PTPRN2: variants seen among roughly 807,000 people sequenced by gnomAD.
PTPRN2 encodes the protein protein tyrosine phosphatase receptor type N2.
Under a neutral mutation model 118.8 loss-of-function variants are expected in PTPRN2, and 74 were observed. That is an observed-to-expected ratio of 0.62 (90% CI 0.52 to 0.76). The LOEUF is 0.76. Ranked by LOEUF, PTPRN2 falls within the 30% of genes least tolerant of loss-of-function variation. PTPRN2 has a pLI of 0.00. For missense variants in PTPRN2, 1,481 were observed against 1,394.4 expected (o/e 1.06, Z -0.99); for synonymous variants, 641 against 608.0 (o/e 1.05, Z -0.80).
intron 22 of PTPRN2, 108 bp downstream of exon 22, chr7:157,548,838 G>T (rs935435309): frequency 1.2e-5 from 13 of 1,112,464 alleles, no homozygotes; most frequent in South Asian, 9.0e-5. Flanking sequence ...CAGAGCAATC[G>T]GTGTGCGGCT....
chr7:157,890,621 G>T (rs576406053), intron 12 of PTPRN2, among the ~76,000 whole-genome samples: 1 of 152,298 alleles, frequency 6.6e-6, no homozygotes. Flanking sequence ...CAGCCTGGGC[G>T]ACAGAGCGAG....
At position 158,253,848 on chromosome 7, in the gene PTPRN2, G is replaced by A. The variant is rs569840624; in HGVS notation, c.278-48575C>T. Among the ~76,000 whole-genome samples, 150 of 151,910 alleles carry A rather than the reference G, an allele frequency of 9.9e-4. 4 individuals are homozygous for A. The highest frequency in any genetic ancestry group is 3.4e-3 in the African/African-American group (140 of 41,274). On this transcript the variant is annotated intron_variant, in intron 3 of 22. Transcript: ENST00000389418. ...CGAGCCGCTGGCATCCATATTTATC[G>A]AGCAGAGGAAGCATCCCTGTAACTG... is the stretch of plus-strand genomic sequence containing the variant.
intron 3 of PTPRN2, among the ~76,000 whole-genome samples, chr7:158,262,737 C>G (rs886355409): frequency 6.7e-6 from 1 of 150,208 alleles, no homozygotes; most frequent in Non-Finnish European, 1.5e-5. Context: ...CATACATTCA[C>G]ACACTGCACA....
chr7:158,412,608 T>A (rs1247628888), intron 2 of PTPRN2, among the ~76,000 whole-genome samples: 1 of 55,366 alleles, frequency 1.8e-5, no homozygotes, highest in Admixed American at 2.1e-4. Context: ...GCCCATCCAG[T>A]GCCCTCCTCA....
chr7:158,173,096 A>G (rs759846090), intron 5 of PTPRN2, among the ~76,000 whole-genome samples: 30 of 148,752 alleles, frequency 2.0e-4, no homozygotes, highest in Non-Finnish European at 4.0e-4. Flanking sequence ...CAATAATAGC[A>G]TCCCATCACC....
chr7:158,313,259 G>C (rs1802021573), intron 3 of PTPRN2, among the ~76,000 whole-genome samples: 1 of 152,142 alleles, frequency 6.6e-6, no homozygotes, highest in African/African-American at 2.4e-5. Context: ...CCTGCCACAG[G>C]GTCGTCCTCC....
At position 157,622,506 on chromosome 7, in the gene PTPRN2, G is replaced by A. The variant is rs990341153; in HGVS notation, c.2197-997C>T. ...CACTGGGGCCCGTTCCAGGAGACAG[G>A]TAGAGAAAGAGACACAGAGGGAGGG... On this transcript the variant is annotated intron_variant, in intron 14 of 22. Transcript: ENST00000389418. This position sits in a 1 kb window ranked among gnomAD's most constrained non-coding sequence, Gnocchi z 5.3. Among the ~76,000 whole-genome samples the A allele has an allele frequency of 2.0e-5, 3 of 152,140 alleles. No homozygotes were observed. Among genetic ancestry groups the A allele is most frequent in the African/African-American group, 7.2e-5 (3 of 41,444 alleles).
chr7:158,242,718 A>T (rs1795970513), intron 3 of PTPRN2, among the ~76,000 whole-genome samples: 1 of 152,160 alleles, frequency 6.6e-6, no homozygotes, highest in Non-Finnish European at 1.5e-5. Flanking sequence ...TACTCGTTAC[A>T]GTCTGTTTTT....
In PTPRN2 at chr7:158,022,889, C is replaced by T. The variant is rs767495331; in HGVS notation, c.1723+58409G>A. On this transcript the variant is annotated intron_variant, in intron 11 of 22. Coordinates refer to ENST00000389418, the MANE Select transcript of PTPRN2 (RefSeq NM_002847.5). The surrounding 1 kb of genome is among the most constrained non-coding windows in gnomAD (Gnocchi z 4.6). ...TAGAAACCTCAATGATCAAGAGTAGCGTTTCCCTCCACGGTTGCCCAATTT... is the reference window on the plus strand; with the variant it reads ...TAGAAACCTCAATGATCAAGAGTAGTGTTTCCCTCCACGGTTGCCCAATTT... Among the ~76,000 whole-genome samples the T allele has an allele frequency of 3.9e-5, 6 of 152,174 alleles. No homozygotes were observed. Among genetic ancestry groups the T allele is most frequent in the African/African-American group, 1.4e-4 (6 of 41,440 alleles).
chr7:158,275,039 A>G (rs1798867214), intron 3 of PTPRN2, among the ~76,000 whole-genome samples: 1 of 152,198 alleles, frequency 6.6e-6, no homozygotes, highest in African/African-American at 2.4e-5. Context: ...GGGTTCAAAA[A>G]GCTGCCTTCT....
intron 11 of PTPRN2, among the ~76,000 whole-genome samples, chr7:158,079,949 A>G (rs1460367344): frequency 6.6e-6 from 1 of 152,214 alleles, no homozygotes; most frequent in African/African-American, 2.4e-5. Context: ...TGGGGACTCA[A>G]GTCTCCACAA....
chr7:158,104,493 T>C (rs1191259970), intron 10 of PTPRN2, among the ~76,000 whole-genome samples: 2 of 151,608 alleles, frequency 1.3e-5, no homozygotes, highest in African/African-American at 2.4e-5. Flanking sequence ...AGATGAAGAC[T>C]ATAGGGCTCA....
At chr7:157,551,646 C>A (rs1190611687) in intron 21 of PTPRN2, among the ~76,000 whole-genome samples, 1 of 145,886 alleles carries the variant, frequency 6.9e-6, no homozygotes, top group Non-Finnish European at 1.5e-5. Context: ...ACCCCACACA[C>A]CCCACAGCCA....
chr7:158,532,845 G>A (rs1177711126), intron 1 of PTPRN2: 1 of 533,464 alleles, frequency 1.9e-6, no homozygotes, highest in African/African-American at 1.9e-5. Context: ...CAGAGAGAAT[G>A]TGGCCCGTGC....
chr7:158,014,428 C>T (rs1367934982), intron 11 of PTPRN2, among the ~76,000 whole-genome samples: 1 of 151,552 alleles, frequency 6.6e-6, no homozygotes, highest in Non-Finnish European at 1.5e-5. Context: ...TCCACCTGCT[C>T]ATCTATTCAT....
At chr7:158,128,170 C>A (rs909060988) in intron 9 of PTPRN2, among the ~76,000 whole-genome samples, 1 of 152,194 alleles carries the variant, frequency 6.6e-6, no homozygotes, top group Non-Finnish European at 1.5e-5. Context: ...AATAGCTGAT[C>A]TGTTAAGGTT....
chr7:158,341,284 TAA>T (rs1806713554), intron 2 of PTPRN2, among the ~76,000 whole-genome samples: 9 of 148,200 alleles, frequency 6.1e-5, no homozygotes, highest in African/African-American at 2.2e-4. Flanking sequence ...ACTCTCACCA[TAA>T]GAGCCGACGC....
At chr7:158,391,816 C>T (rs1811953661) in intron 2 of PTPRN2, among the ~76,000 whole-genome samples, 1 of 152,186 alleles carries the variant, frequency 6.6e-6, no homozygotes, top group African/African-American at 2.4e-5. Flanking sequence ...AGGAGCTGCA[C>T]CCCCAGCCAG....
At position 158,022,876 on chromosome 7, in the gene PTPRN2, T is replaced by C. The variant is rs1340707520; in HGVS notation, c.1723+58422A>G. On this transcript the variant is annotated intron_variant, in intron 11 of 22. Transcript: ENST00000389418. This position sits in a 1 kb window ranked among gnomAD's most constrained non-coding sequence, Gnocchi z 4.6. ...TATCCCTGGACCTTAGAAACCTCAA[T>C]GATCAAGAGTAGCGTTTCCCTCCAC... Among the ~76,000 whole-genome samples the C allele has an allele frequency of 6.6e-6, 1 of 152,186 alleles. No homozygotes were observed. Among genetic ancestry groups the C allele is most frequent in the Non-Finnish European group, 1.5e-5 (1 of 68,030 alleles).
Sources: gnomAD v4.1 joint callset for allele counts (sites outside exome capture counted in the v4.1 genomes callset) on GRCh38, gnomAD v4.1.1 for gene constraint, Gnocchi (gnomAD v3.1) non-coding constraint, MANE v1.5 for transcripts, NCBI Gene and HGNC (gene_info 2026-07-23, HGNC 2026-07-21) for gene names.